The following SNX32 variants were observed in gnomAD, a reference collection of about 807,000 sequenced individuals.
The protein encoded by SNX32 is sorting nexin 32, also known as sorting nexin-32.
SNX32 carries 58 observed loss-of-function variants against 57.0 expected under a neutral mutation model. The ratio of observed to expected loss-of-function variants is 1.02; its 90% CI spans 0.82 to 1.27. The LOEUF is 1.27. Among genes scored for constraint, SNX32 ranks in the 50% most tolerant of loss-of-function variants. The pLI is 0.00. For missense variants in SNX32, 589 were observed against 541.2 expected (o/e 1.09, Z -0.88); for synonymous variants, 262 against 220.4 (o/e 1.19, Z -1.67).
At chr11:65,845,988 T>C (rs1167396332) in intron 1 of SNX32, among the ~76,000 whole-genome samples, 2 of 152,234 alleles carry the variant, frequency 1.3e-5, no homozygotes, top group East Asian at 3.9e-4. Flanking sequence ...CAGGCCAGCA[T>C]AGGCTGGGCT....
intron 1 of SNX32, among the ~76,000 whole-genome samples, chr11:65,846,565 T>C (rs1315515935): frequency 9.5e-5 from 14 of 147,628 alleles, no homozygotes; most frequent in Middle Eastern, 3.4e-3. Context: ...AAACTCTGTC[T>C]CGAAAAAAAA....
At chr11:65,846,151 A>G (rs1858987331) in intron 1 of SNX32, among the ~76,000 whole-genome samples, 2 of 152,182 alleles carry the variant, frequency 1.3e-5, no homozygotes, top group South Asian at 4.1e-4. Flanking sequence ...GGCGTCTGTA[A>G]TCCCAGCTAC....
chr11:65,843,661 A>C (rs1218761161), intron 1 of SNX32, among the ~76,000 whole-genome samples: 1 of 152,242 alleles, frequency 6.6e-6, no homozygotes, highest in Non-Finnish European at 1.5e-5. Context: ...GAATATCTTC[A>C]TGACCTTGGG....
At position 65,852,977 on chromosome 11, in the gene SNX32, C is replaced by T. The variant is rs1422676580; in HGVS notation, c.1158+19C>T. 1.9e-6 allele frequency: 3 copies of T among 1,613,320 alleles called. No homozygotes were observed. In the South Asian group the frequency reaches 3.3e-5, roughly 18 times the overall value. On this transcript the variant is annotated intron_variant, in intron 12 of 12. Transcript: ENST00000308342. ...CGCCAAGGTGAGCCCTCCCACCTCA[C>T]TGGGCCCTTGTGAAGCCTCCCACCT...
intron 1 of SNX32, among the ~76,000 whole-genome samples, chr11:65,847,933 A>C (rs940364828): frequency 6.6e-6 from 1 of 152,082 alleles, no homozygotes; most frequent in Non-Finnish European, 1.5e-5. Flanking sequence ...GTGAGAAACA[A>C]TGTAGAGATA....
At chr11:65,839,237 T>G (rs1422458004) in intron 1 of SNX32, among the ~76,000 whole-genome samples, 1 of 27,880 alleles carries the variant, frequency 3.6e-5, no homozygotes, top group African/African-American at 9.1e-5. Flanking sequence ...TTTTTTTTTT[T>G]TTTTTTTTTT....
intron 9 of SNX32, 54 bp downstream of exon 9, chr11:65,851,733 A>G (rs1859204992): frequency 1.9e-6 from 3 of 1,588,514 alleles, no homozygotes; most frequent in African/African-American, 1.3e-5. Context: ...TGCAGGGAAG[A>G]TGAGTCCTGG....
At chr11:65,834,124 C>G (rs1381129492) in intron 1 of SNX32, 23 bp downstream of exon 1, 1 of 1,550,212 alleles carries the variant, frequency 6.5e-7, no homozygotes, top group Admixed American at 2.0e-5. Context: ...TGAAGACCCC[C>G]ACCCCAGCCT....
At chr11:65,834,149 A>G in intron 1 of SNX32, 48 bp downstream of exon 1, 1 of 1,538,712 alleles carries the variant, frequency 6.5e-7, no homozygotes, top group Non-Finnish European at 8.8e-7. Flanking sequence ...TCACTCCATG[A>G]AAGCCCGTGA....
chr11:65,846,345 G>A lies in SNX32; in HGVS notation c.37-3133G>A, dbSNP rs186250565. 4.9e-3 allele frequency among the ~76,000 whole-genome samples: 746 copies of A among 151,854 alleles called. 24 individuals carry two copies. The East Asian group carries it at 0.1, about 20-fold the overall frequency. ...CAGCACTTTGGAGGCCGAGGCGGGCGGATCACCTGAGGTCAGGAGTTCCAG... is the reference window on the plus strand; with the variant it reads ...CAGCACTTTGGAGGCCGAGGCGGGCAGATCACCTGAGGTCAGGAGTTCCAG... On this transcript the variant is annotated intron_variant, in intron 1 of 12. Coordinates refer to ENST00000308342, the MANE Select transcript of SNX32 (RefSeq NM_152760.3).
At chr11:65,840,639 C>CA (rs1039408068) in intron 1 of SNX32, among the ~76,000 whole-genome samples, 4 of 151,598 alleles carry the variant, frequency 2.6e-5, no homozygotes, top group African/African-American at 9.7e-5. Flanking sequence ...CCTATCTCTA[C>CA]AAAAAAATAC....
intron 6 of SNX32, 47 bp downstream of exon 6, chr11:65,850,902 C>T (rs1264576224): frequency 1.5e-5 from 24 of 1,559,382 alleles, no homozygotes; most frequent in Non-Finnish European, 2.1e-5. Flanking sequence ...ACCTCAAGTC[C>T]ACAGCACAGA....
intron 12 of SNX32, 70 bp from the exon 13 acceptor site, chr11:65,853,212 T>TAAGG: frequency 6.2e-7 from 1 of 1,604,360 alleles, no homozygotes; most frequent in Non-Finnish European, 8.5e-7. Flanking sequence ...AGGGAGCATC[T>TAAGG]AAGGTGCAGA....
At chr11:65,852,414 T>C (rs775762780) in intron 9 of SNX32, 51 bp from the exon 10 acceptor site, 1 of 1,516,876 alleles carries the variant, frequency 6.6e-7, no homozygotes, top group Non-Finnish European at 9.2e-7. Context: ...TCCCACCCCT[T>C]AGCTGCCCCT....
intron 1 of SNX32, among the ~76,000 whole-genome samples, chr11:65,834,646 CTG>C (rs1325362362): frequency 6.7e-6 from 1 of 148,338 alleles, no homozygotes; most frequent in African/African-American, 2.5e-5. Flanking sequence ...ATGTATGCAT[CTG>C]TGTGTGTCTC....
At chr11:65,845,922 G>A (rs1858980110) in intron 1 of SNX32, among the ~76,000 whole-genome samples, 2 of 152,180 alleles carry the variant, frequency 1.3e-5, no homozygotes, top group South Asian at 4.1e-4. Flanking sequence ...CTAAAGAACA[G>A]GGGCACAAAA....
intron 4 of SNX32, 55 bp downstream of exon 4, chr11:65,850,326 T>C: frequency 6.2e-7 from 1 of 1,613,914 alleles, no homozygotes; most frequent in East Asian, 2.2e-5. Flanking sequence ...CTTCCCCAGC[T>C]ATCTCCCCAT....
chr11:65,838,158 A>AAAAG (rs1283222411), intron 1 of SNX32, among the ~76,000 whole-genome samples: 1 of 151,876 alleles, frequency 6.6e-6, no homozygotes, highest in African/African-American at 2.4e-5. Context: ...CTCTGTCAAA[A>AAAAG]AAAGAAAGAA....
Position 65,852,779 on chromosome 11 carries a change from C to T in SNX32, c.1062C>T (p.Ser354=), listed in dbSNP as rs768920081. 2.1e-5 allele frequency: 34 copies of T among 1,610,034 alleles called. No individual in the cohort carries two copies. The highest frequency in any genetic ancestry group is 1.6e-4 in the Middle Eastern group (1 of 6,070). The change falls in exon 11 of 13, where the codon TCC becomes TCT. Residue 354 remains serine, a synonymous_variant. Transcript: ENST00000308342. The part of the protein sequence containing the change: ...CCQRFERLSD[S]AKQELMDFKS... ...AACGCTTCGAGCGCCTCTCCGACTC[C>T]GCCAAGCAAGGTGAGCCCGCAGCCC...
Sources: allele counts gnomAD v4.1 joint callset (sites outside exome capture counted in the v4.1 genomes callset), GRCh38; gene constraint gnomAD v4.1.1; transcripts MANE v1.5; gene names NCBI Gene and HGNC (gene_info 2026-07-23, HGNC 2026-07-21).